Variants in PDE7A observed in about 807,000 individuals in gnomAD.
The protein encoded by PDE7A is high affinity 3',5'-cyclic-AMP phosphodiesterase 7A.
PDE7A carries 39 observed loss-of-function variants against 64.3 expected under a neutral mutation model. That is an observed-to-expected ratio of 0.61 (90% CI 0.47 to 0.79). The LOEUF is 0.79. PDE7A is among the 30% of genes least tolerant of loss of function. The pLI, the probability that PDE7A is intolerant of heterozygous loss-of-function variation, is 0.00. For synonymous variants in PDE7A, 203 were observed against 206.8 expected (o/e 0.98, Z 0.16); for missense variants, 470 against 582.8 (o/e 0.81, Z 1.99).
chr8:65,826,639 TG>T (rs1810681806), intron 1 of PDE7A, among the ~76,000 whole-genome samples: 1 of 152,228 alleles, frequency 6.6e-6, no homozygotes, highest in Non-Finnish European at 1.5e-5. Context: ...GTGCCTGGCA[TG>T]TAAGTGCTCA....
chr8:65,813,190 T>G (rs1475703709), intron 1 of PDE7A, among the ~76,000 whole-genome samples: 1 of 152,232 alleles, frequency 6.6e-6, no homozygotes, highest in Non-Finnish European at 1.5e-5. Flanking sequence ...ATATCAAAGT[T>G]GTAAATGCAC....
At chr8:65,769,449 C>T (rs1808966976) in intron 3 of PDE7A, among the ~76,000 whole-genome samples, 2 of 152,186 alleles carry the variant, frequency 1.3e-5, no homozygotes, top group African/African-American at 4.8e-5. Flanking sequence ...TGAGAAACTA[C>T]TTCTTGGCTA....
At chr8:65,723,461 T>G (rs145764610) in intron 12 of PDE7A, 80 bp downstream of exon 12, 2,840 of 1,242,554 alleles carry the variant, frequency 2.3e-3, no homozygotes, top group Non-Finnish European at 2.8e-3. Context: ...TTTTAATATT[T>G]TATATTTCAA....
At chr8:65,769,013 T>C (rs1808938435) in intron 3 of PDE7A, among the ~76,000 whole-genome samples, 1 of 152,032 alleles carries the variant, frequency 6.6e-6, no homozygotes, top group Admixed American at 6.6e-5. Context: ...TTTGGAAGGC[T>C]GAGGTAGGCA....
intron 1 of PDE7A, among the ~76,000 whole-genome samples, chr8:65,804,997 G>A (rs1563514250): frequency 6.6e-6 from 1 of 151,968 alleles, no homozygotes; most frequent in Non-Finnish European, 1.5e-5. Flanking sequence ...GTACCACCAT[G>A]CCCAGCTAAT....
intron 3 of PDE7A, among the ~76,000 whole-genome samples, chr8:65,774,741 T>C (rs1250681962): frequency 6.6e-6 from 1 of 151,892 alleles, no homozygotes; most frequent in East Asian, 1.9e-4. Context: ...TATAAACCCA[T>C]AACATGTAAC....
At chr8:65,834,461 C>G (rs1365881206) in intron 1 of PDE7A, among the ~76,000 whole-genome samples, 1 of 152,028 alleles carries the variant, frequency 6.6e-6, no homozygotes, top group Admixed American at 6.6e-5. Context: ...TTTGACTGCA[C>G]GGGGAGTTGC....
intron 3 of PDE7A, among the ~76,000 whole-genome samples, chr8:65,760,215 G>T (rs1808426152): frequency 6.6e-6 from 1 of 151,622 alleles, no homozygotes; most frequent in Non-Finnish European, 1.5e-5. Context: ...ACTCCAGCCT[G>T]GGCAAGAGTG....
Position 65,726,858 on chromosome 8 carries a change from G to A in PDE7A, c.920+17C>T. The stretch of plus-strand genomic sequence containing the variant: ...CTATAACCAGTAACAAATTAAATTT[G>A]TCTTAATCCAACCTACCTGCTTTCT... On this transcript the variant is annotated intron_variant, in intron 9 of 12. Transcript: ENST00000401827. 5 of 1,386,598 alleles carry A rather than the reference G, an allele frequency of 3.6e-6. No individual in the cohort carries two copies. The highest frequency in any genetic ancestry group is 5.1e-6 in the Non-Finnish European group (5 of 980,168). 85.9% of individuals were successfully genotyped at this position (1,386,598 alleles called of 1,614,324 possible).
At chr8:65,735,113 G>A (rs1046196709) in intron 6 of PDE7A, among the ~76,000 whole-genome samples, 4 of 152,188 alleles carry the variant, frequency 2.6e-5, no homozygotes, top group Non-Finnish European at 5.9e-5. Flanking sequence ...AACAGACTAG[G>A]CTTCGGGGTG....
rs7832686 is a variant in PDE7A at position 65,796,739 on chromosome 8, G to A, written c.139-13896C>T. 7.7e-3 allele frequency among the ~76,000 whole-genome samples: 1,173 copies of A among 152,218 alleles called. 10 individuals carry two copies. Among genetic ancestry groups the A allele is most frequent in the African/African-American group, 0.026 (1,061 of 41,538 alleles). On this transcript the variant is annotated intron_variant, in intron 1 of 12. Transcript: ENST00000401827. ...ATTAAAAAAATCCATAGCCATCATT[G>A]TACTTAACAATAAGACTAAATATTT...
At chr8:65,757,308 TG>T (rs879860326) in intron 3 of PDE7A, among the ~76,000 whole-genome samples, 4 of 152,222 alleles carry the variant, frequency 2.6e-5, no homozygotes, top group Non-Finnish European at 4.4e-5. Context: ...ACAAGGGCTA[TG>T]GAAGTTACAA....
At chr8:65,741,201 A>G (rs756574538) in intron 5 of PDE7A, among the ~76,000 whole-genome samples, 68 of 152,344 alleles carry the variant, frequency 4.5e-4, no homozygotes, top group Middle Eastern at 3.4e-3. Context: ...AATAGGCTAC[A>G]TATTAAAAAG....
intron 1 of PDE7A, among the ~76,000 whole-genome samples, chr8:65,800,585 C>G (rs1809962775): frequency 6.6e-6 from 1 of 152,196 alleles, no homozygotes; most frequent in African/African-American, 2.4e-5. Flanking sequence ...CTGCAGTAAA[C>G]ACCTATTGCT....
intron 1 of PDE7A, among the ~76,000 whole-genome samples, chr8:65,802,330 G>C (rs1810010748): frequency 6.6e-6 from 1 of 152,148 alleles, no homozygotes; most frequent in South Asian, 2.1e-4. Flanking sequence ...AAAATGGCAA[G>C]TTTTATGTTA....
intron 3 of PDE7A, among the ~76,000 whole-genome samples, chr8:65,762,022 C>T (rs538313539): frequency 1.3e-5 from 2 of 152,280 alleles, no homozygotes; most frequent in Admixed American, 6.5e-5. Flanking sequence ...TAACAGTCCA[C>T]GAGAGGGAGC....
In PDE7A at chr8:65,837,553, A is replaced by G. The variant is rs570409711; in HGVS notation, c.138+3818T>C. The stretch of plus-strand genomic sequence containing the variant: ...ATAATTTTACACACTCTTTTAAATA[A>G]TTTTGTGCATGAAACAAGGTTTGTG... On this transcript the variant is annotated intron_variant, in intron 1 of 12. Coordinates refer to ENST00000401827, the MANE Select transcript of PDE7A (RefSeq NM_001242318.3). 3.3e-5 allele frequency among the ~76,000 whole-genome samples: 5 copies of G among 152,332 alleles called. No homozygotes were observed. The South Asian group carries it at 1.0e-3, about 32-fold the overall frequency.
chr8:65,759,109 G>A (rs546512990), intron 3 of PDE7A, among the ~76,000 whole-genome samples: 3 of 152,334 alleles, frequency 2.0e-5, no homozygotes, highest in South Asian at 4.2e-4. Context: ...ATACTTGCTT[G>A]CATTTTACGT....
At position 65,724,964 on chromosome 8, in the gene PDE7A, TTAAC is replaced by T. The variant is rs1299584247; in HGVS notation, c.921-47_921-44del. ...TAAAGAGAAAATATAAGACTTTCAATTAACTATTTATTGATTTTTTTTCTTAACC... is the reference window on the plus strand; with the variant it reads ...TAAAGAGAAAATATAAGACTTTCAATTATTTATTGATTTTTTTTCTTAACC... On this transcript the variant is annotated intron_variant, in intron 9 of 12. Transcript: ENST00000401827. 4.5e-6 allele frequency: 6 copies of T among 1,330,152 alleles called. No homozygotes were observed. In the African/African-American group the frequency reaches 9.0e-5, roughly 20 times the overall value. The allele number at this position is 1,330,152 out of a possible 1,614,324, so 82.4% of individuals were successfully genotyped here.
Sources: gnomAD v4.1 joint callset for allele counts (sites outside exome capture counted in the v4.1 genomes callset) on GRCh38, gnomAD v4.1.1 for gene constraint, MANE v1.5 for transcripts, NCBI Gene and HGNC (gene_info 2026-07-23, HGNC 2026-07-21) for gene names.